Variants in PRKCG observed in about 807,000 individuals in gnomAD.
PRKCG encodes protein kinase C gamma type.
A neutral mutation model predicts 82.0 loss-of-function variants in PRKCG; 28 were observed. That is an observed-to-expected ratio of 0.34 (90% CI 0.25 to 0.47). The LOEUF is 0.47. Among genes scored for constraint, PRKCG ranks in the 20% least tolerant of loss-of-function variants. PRKCG has a pLI of 1.00. For missense variants in PRKCG, 640 were observed against 952.7 expected (o/e 0.67, Z 4.32); for synonymous variants, 383 against 376.6 (o/e 1.02, Z -0.20).
intron 9 of PRKCG, among the ~76,000 whole-genome samples, chr19:53,897,133 GTC>G (rs2068723569): frequency 6.6e-6 from 1 of 152,204 alleles, no homozygotes; most frequent in Non-Finnish European, 1.5e-5. Flanking sequence ...TGCAGTGTCA[GTC>G]TCAGCCTGGC....
intron 5 of PRKCG, 122 bp downstream of exon 5, chr19:53,890,139 A>C (rs1042043792): frequency 6.3e-6 from 7 of 1,112,064 alleles, no homozygotes; most frequent in Non-Finnish European, 9.1e-6. Context: ...TTCTATGGTC[A>C]CGCCCACACT....
At position 53,906,797 on chromosome 19, in the gene PRKCG, G is replaced by T; in HGVS notation, c.1996G>T (p.Asp666Tyr). The T allele has an allele frequency of 6.2e-7, 1 of 1,613,660 alleles. No individual in the cohort carries two copies. Among genetic ancestry groups the T allele is most frequent in the African/African-American group, 1.3e-5 (1 of 75,012 alleles). ...AGACCGCCTAGTCCTGGCCAGCATC[G>T]ACCAGGCCGATTTCCAGGGCTTCAC... is the stretch of plus-strand genomic sequence containing the variant. ...PPDRLVLASI[D>Y]QADFQGFTYV... Residue 666 changes from aspartate to tyrosine, a missense_variant, in exon 18 of 18, where the codon GAC (aspartate) becomes TAC (tyrosine). Transcript: ENST00000263431.
chr19:53,892,734 C>G lies in PRKCG; in HGVS notation c.821+91C>G, dbSNP rs1314150326. On this transcript the variant is annotated intron_variant, in intron 7 of 17. Coordinates refer to ENST00000263431, the MANE Select transcript of PRKCG (RefSeq NM_002739.5). This position sits in a 1 kb window ranked among gnomAD's most constrained non-coding sequence, Gnocchi z 5.9. Reference sequence around the variant, plus strand: ...CTCTCCTCCAGGCCACTGTCCTTCCCTCTGCCTCCCAGCATGCGCACACAC... The same window carrying G: ...CTCTCCTCCAGGCCACTGTCCTTCCGTCTGCCTCCCAGCATGCGCACACAC... 2.0e-6 allele frequency: 3 copies of G among 1,499,496 alleles called. No individual in the cohort carries two copies. The highest frequency in any genetic ancestry group is 2.7e-6 in the Non-Finnish European group (3 of 1,117,522). 92.9% of individuals were successfully genotyped at this position (1,499,496 alleles called of 1,614,324 possible). A position where few individuals can be genotyped will look rare whatever the true frequency, so the allele number is the denominator to read the frequency against.
At chr19:53,890,504 C>T (rs1477234142) in intron 5 of PRKCG, among the ~76,000 whole-genome samples, 1 of 152,064 alleles carries the variant, frequency 6.6e-6, no homozygotes, top group East Asian at 2.0e-4. Context: ...GTGATCCCCT[C>T]GACTCGGCCT....
rs1568755516 is a variant in PRKCG, at chr19:53,892,949, A to G, written c.822-39A>G. The G allele has an allele frequency of 6.3e-7, 1 of 1,587,406 alleles. No homozygotes were observed. The highest frequency in any genetic ancestry group is 1.1e-5 in the South Asian group (1 of 90,410). On this transcript the variant is annotated intron_variant, in intron 7 of 17. Coordinates refer to ENST00000263431, the MANE Select transcript of PRKCG (RefSeq NM_002739.5). The surrounding 1 kb of genome is among the most constrained non-coding windows in gnomAD (Gnocchi z 5.9). ...TCTTTGCCTCTCCCATGGGTGCCCC[A>G]TCCCCGCTGCCCGCCTCTGGTCTCC...
rs1169523291 is a variant in PRKCG, at chr19:53,889,567, A to G, written c.286-71A>G. The G allele has an allele frequency of 8.6e-7, 1 of 1,166,520 alleles. No individual in the cohort carries two copies. The highest frequency in any genetic ancestry group is 1.5e-5 in the African/African-American group (1 of 65,276). 72.3% of individuals were successfully genotyped at this position (1,166,520 alleles called of 1,614,324 possible). A position where few individuals can be genotyped will look rare whatever the true frequency, so the allele number is the denominator to read the frequency against. On this transcript the variant is annotated intron_variant, in intron 3 of 17. Transcript: ENST00000263431. The surrounding 1 kb of genome is among the most constrained non-coding windows in gnomAD (Gnocchi z 4.4). ...CTAGAGAGCAAGGCAGGAGGAAAAG[A>G]TAAAAGGGCCCCTCCCCTGGGGTTT...
Position 53,906,307 on chromosome 19 carries a change from T to A in PRKCG, c.1765-10T>A, listed in dbSNP as rs375525051. The A allele has an allele frequency of 4.2e-5, 65 of 1,551,326 alleles. No individual in the cohort carries two copies. In the African/African-American group the frequency reaches 8.2e-4, roughly 20 times the overall value. Reference sequence around the variant, plus strand: ...GTTTGTCTGTCTGTCTCTCTCTGTGTTTCCCACAGTTCCTGACCAAGCACC... The same window carrying A: ...GTTTGTCTGTCTGTCTCTCTCTGTGATTCCCACAGTTCCTGACCAAGCACC... On this transcript the variant is annotated splice_polypyrimidine_tract_variant and intron_variant, in intron 16 of 17. Coordinates refer to ENST00000263431, the MANE Select transcript of PRKCG (RefSeq NM_002739.5).
In PRKCG at chr19:53,892,918, C is replaced by G; in HGVS notation, c.822-70C>G. ...TCTCTCTGTGTCTCTTTCCTCCCTT[C>G]CAATGTCTTTGCCTCTCCCATGGGT... is the stretch of plus-strand genomic sequence containing the variant. On this transcript the variant is annotated intron_variant, in intron 7 of 17. Transcript: ENST00000263431. This position sits in a 1 kb window ranked among gnomAD's most constrained non-coding sequence, Gnocchi z 5.9. 7.1e-7 allele frequency: 1 copy of G among 1,410,492 alleles called. No homozygotes were observed. The highest frequency in any genetic ancestry group is 1.0e-6 in the Non-Finnish European group (1 of 1,001,670). 87.4% of individuals were successfully genotyped at this position (1,410,492 alleles called of 1,614,324 possible).
chr19:53,906,527 C>T, intron 17 of PRKCG, 70 bp downstream of exon 17: 1 of 1,573,234 alleles, frequency 6.4e-7, no homozygotes, highest in Non-Finnish European at 8.6e-7. Flanking sequence ...CTCAATATAC[C>T]TGTATGTGGG....
intron 3 of PRKCG, among the ~76,000 whole-genome samples, chr19:53,885,929 T>G (rs2068628245): frequency 6.6e-6 from 1 of 151,548 alleles, no homozygotes; most frequent in African/African-American, 2.4e-5. Context: ...ATTTTTTTTT[T>G]TGTTTTTTGC....
intron 15 of PRKCG, 128 bp downstream of exon 15, chr19:53,903,281 G>T: frequency 2.5e-6 from 2 of 802,822 alleles, no homozygotes; most frequent in East Asian, 4.9e-5. Flanking sequence ...TGGTTCTGAA[G>T]TGTTGTCTTA....
chr19:53,900,534 G>C lies in PRKCG; in HGVS notation c.1436+53G>C, dbSNP rs947626263. 3 of 1,613,988 alleles carry C rather than the reference G, an allele frequency of 1.9e-6. No individual in the cohort carries two copies. In the African/African-American group the frequency reaches 4.0e-5, roughly 22 times the overall value. ...GGAAATCACGCCCCTGGAAGGGAAG[G>C]GATTTGAATATGTGGCTCTAGACTG... On this transcript the variant is annotated intron_variant, in intron 13 of 17. Coordinates refer to ENST00000263431, the MANE Select transcript of PRKCG (RefSeq NM_002739.5). This position sits in a 1 kb window ranked among gnomAD's most constrained non-coding sequence, Gnocchi z 4.2.
chr19:53,882,515 C>T lies in PRKCG; in HGVS notation c.21C>T (p.Gly7=), dbSNP rs779036291. The T allele has an allele frequency of 1.9e-6, 3 of 1,614,034 alleles. 1 individual carries two copies. The Admixed American group carries it at 5.0e-5, about 27-fold the overall frequency. The part of the protein sequence containing the change: MAGLGP[G]VGDSEGGPRP... ...GGGCCATGGCTGGTCTGGGCCCCGGCGTAGGCGATTCAGAGGGGGGACCCC... is the reference window on the plus strand; with the variant it reads ...GGGCCATGGCTGGTCTGGGCCCCGGTGTAGGCGATTCAGAGGGGGGACCCC... Residue 7 remains glycine (G), a synonymous_variant, in exon 1 of 18, where the codon GGC becomes GGT. Transcript: ENST00000263431. This position sits in a 1 kb window ranked among gnomAD's most constrained non-coding sequence, Gnocchi z 6.1.
chr19:53,905,392 C>T (rs1467759642), intron 16 of PRKCG, among the ~76,000 whole-genome samples: 1 of 143,310 alleles, frequency 7.0e-6, no homozygotes, highest in Non-Finnish European at 1.5e-5. Flanking sequence ...TACACACACG[C>T]TACATCTCAC....
At chr19:53,903,224 C>A in intron 15 of PRKCG, 71 bp downstream of exon 15, 1 of 1,270,434 alleles carries the variant, frequency 7.9e-7, no homozygotes, top group Non-Finnish European at 1.2e-6. Context: ...TCAGGAGGAG[C>A]CAGTTAGAAA....
intron 5 of PRKCG, among the ~76,000 whole-genome samples, chr19:53,890,444 A>G (rs1190569788): frequency 8.1e-5 from 12 of 148,540 alleles, no homozygotes; most frequent in Admixed American, 7.4e-4. Context: ...TTTTAGTACA[A>G]ACGGGGTTTC....
Position 53,898,002 on chromosome 19 carries a change from C to T in PRKCG, c.983C>T (p.Ser328Phe), listed in dbSNP as rs1386023782. The change falls in exon 10 of 18, where the codon TCC becomes TTC. Residue 328 changes from serine to phenylalanine, a missense_variant. Coordinates refer to ENST00000263431, the MANE Select transcript of PRKCG (RefSeq NM_002739.5). ...TCTTCCTCTCCCATCCCCTCCCCTTCCCCTAGTCCCACCGACCCCAAGCGC... is the reference window on the plus strand; with the variant it reads ...TCTTCCTCTCCCATCCCCTCCCCTTTCCCTAGTCCCACCGACCCCAAGCGC... ...GPSSSPIPSP[S>F]PSPTDPKRCF... The T allele has an allele frequency of 1.9e-6, 3 of 1,614,062 alleles. No homozygotes were observed. Among genetic ancestry groups the T allele is most frequent in the East Asian group, 4.5e-5 (2 of 44,886 alleles).
chr19:53,906,166 G>C, intron 16 of PRKCG, 151 bp from the exon 17 acceptor site: 2 of 758,230 alleles, frequency 2.6e-6, no homozygotes, highest in Middle Eastern at 2.5e-4. Context: ...CCCTCCATTT[G>C]CCTGTTTCCC....
chr19:53,882,579 G>A lies in PRKCG; in HGVS notation c.85G>A (p.Val29Met), dbSNP rs1599937036. 6.2e-7 allele frequency: 1 copy of A among 1,614,106 alleles called. No individual in the cohort carries two copies. Among genetic ancestry groups the A allele is most frequent in the South Asian group, 1.1e-5 (1 of 91,078 alleles). The part of the protein sequence containing the change: ...FCRKGALRQK[V>M]VHEVKSHKFT... Reference sequence around the variant, plus strand: ...CAGAAAGGGGGCCCTGAGGCAGAAGGTGGTCCACGAAGTCAAGAGCCACAA... The same window carrying A: ...CAGAAAGGGGGCCCTGAGGCAGAAGATGGTCCACGAAGTCAAGAGCCACAA... The change falls in exon 1 of 18, where the codon GTG becomes ATG. Residue 29 changes from valine to methionine, a missense_variant. Transcript: ENST00000263431. This position sits in a 1 kb window ranked among gnomAD's most constrained non-coding sequence, Gnocchi z 6.1.
Sources: gnomAD v4.1 joint callset for allele counts (sites outside exome capture counted in the v4.1 genomes callset) on GRCh38, gnomAD v4.1.1 for gene constraint, Gnocchi (gnomAD v3.1) non-coding constraint, MANE v1.5 for transcripts, NCBI Gene and HGNC (gene_info 2026-07-23, HGNC 2026-07-21) for gene names.